FAM107B: variants seen among roughly 807,000 people sequenced by gnomAD.
FAM107B encodes family with sequence similarity 107 member B, also known as protein FAM107B.
Under a neutral mutation model 31.5 loss-of-function variants are expected in FAM107B, and 21 were observed. The observed-to-expected ratio is 0.67, with a 90% CI of 0.47 to 0.96. The LOEUF is 0.96. Ranked by LOEUF, FAM107B falls within the 40% of genes least tolerant of loss-of-function variation. The pLI, the probability that FAM107B is intolerant of heterozygous loss-of-function variation, is 0.00. For synonymous variants in FAM107B, 157 were observed against 141.5 expected, an observed-to-expected ratio of 1.11 and a Z score of -0.78; for missense variants, 452 against 377.1, an observed-to-expected ratio of 1.20 and a Z score of -1.64.
chr10:14,772,613 G>C (rs1049589258), intron 1 of FAM107B, among the ~76,000 whole-genome samples: 4 of 152,014 alleles, frequency 2.6e-5, no homozygotes, highest in Non-Finnish European at 1.5e-5. Context: ...CAACTGCCGC[G>C]TGTCCTGCCT....
At chr10:14,557,416 G>A (rs556421110) in intron 2 of FAM107B, among the ~76,000 whole-genome samples, 5 of 152,180 alleles carry the variant, frequency 3.3e-5, no homozygotes, top group Non-Finnish European at 7.3e-5. Context: ...GTACTAAACT[G>A]GTCACAGTGC....
chr10:14,754,363 A>G (rs1280112804), intron 1 of FAM107B, among the ~76,000 whole-genome samples: 1 of 152,164 alleles, frequency 6.6e-6, no homozygotes, highest in African/African-American at 2.4e-5. Flanking sequence ...TGCTATGGGA[A>G]AGACTTCGTC....
At chr10:14,735,704 C>T (rs1162118795) in intron 1 of FAM107B, among the ~76,000 whole-genome samples, 1 of 152,110 alleles carries the variant, frequency 6.6e-6, no homozygotes. Context: ...AGAAGAGTAG[C>T]TGGAGTTCTG....
intron 1 of FAM107B, among the ~76,000 whole-genome samples, chr10:14,692,660 T>G (rs1004809616): frequency 1.3e-5 from 2 of 152,210 alleles, no homozygotes; most frequent in Non-Finnish European, 2.9e-5. Context: ...CCGTGTACTC[T>G]CAAGAGTGTC....
intron 2 of FAM107B, among the ~76,000 whole-genome samples, chr10:14,621,289 A>G (rs1221651649): frequency 6.6e-6 from 1 of 152,184 alleles, no homozygotes; most frequent in East Asian, 1.9e-4. Context: ...TGCTGTTTAT[A>G]TTATGTAGAC....
chr10:14,717,338 G>T (rs920522312), intron 1 of FAM107B, among the ~76,000 whole-genome samples: 4 of 152,144 alleles, frequency 2.6e-5, no homozygotes, highest in Non-Finnish European at 4.4e-5. Flanking sequence ...GTGTACTAGG[G>T]AGAACTGGCT....
chr10:14,734,651 A>T (rs1856256639), intron 1 of FAM107B, among the ~76,000 whole-genome samples: 1 of 152,174 alleles, frequency 6.6e-6, no homozygotes, highest in African/African-American at 2.4e-5. Context: ...CCTGTGCTCC[A>T]GAACTTAGGG....
intron 2 of FAM107B, among the ~76,000 whole-genome samples, chr10:14,643,728 G>A (rs1853686550): frequency 6.6e-6 from 1 of 152,056 alleles, no homozygotes; most frequent in Non-Finnish European, 1.5e-5. Context: ...GTTTTATGCA[G>A]CAAACTAACT....
intron 2 of FAM107B, among the ~76,000 whole-genome samples, chr10:14,601,459 T>C (rs928978723): frequency 6.6e-6 from 1 of 152,062 alleles, no homozygotes; most frequent in South Asian, 2.1e-4. Flanking sequence ...AAATAGGCCA[T>C]GATTAGACAA....
chr10:14,678,608 TTCCTC>T (rs148296816), intron 1 of FAM107B, among the ~76,000 whole-genome samples: 20 of 60,158 alleles, frequency 3.3e-4, no homozygotes, highest in Non-Finnish European at 6.5e-4. Flanking sequence ...AACAAATAGC[TTCCTC>T]TCCTCTCCTC....
chr10:14,646,789 C>CTTTTTT (rs369557470), intron 2 of FAM107B, among the ~76,000 whole-genome samples: 53 of 86,754 alleles, frequency 6.1e-4, no homozygotes, highest in African/African-American at 9.8e-4. Context: ...CCATTTTCTC[C>CTTTTTT]TTTTTTTTTT....
At chr10:14,678,743 G>A (rs1365169343) in intron 1 of FAM107B, among the ~76,000 whole-genome samples, 1 of 152,168 alleles carries the variant, frequency 6.6e-6, no homozygotes, top group African/African-American at 2.4e-5. Flanking sequence ...AATTTGACTA[G>A]CATGTTGGAA....
At chr10:14,669,219 A>C (rs1303587440) in intron 1 of FAM107B, among the ~76,000 whole-genome samples, 1 of 151,896 alleles carries the variant, frequency 6.6e-6, no homozygotes, top group Non-Finnish European at 1.5e-5. Flanking sequence ...AATACAAAAA[A>C]ATTAGCTGGG....
intron 2 of FAM107B, among the ~76,000 whole-genome samples, chr10:14,581,375 C>T (rs1275351443): frequency 2.0e-5 from 3 of 152,168 alleles, no homozygotes; most frequent in Admixed American, 1.3e-4. Context: ...ACGAGGGAAG[C>T]GGCTGGAACC....
intron 1 of FAM107B, among the ~76,000 whole-genome samples, chr10:14,683,299 G>T (rs568533090): frequency 2.0e-5 from 3 of 152,178 alleles, no homozygotes; most frequent in Non-Finnish European, 4.4e-5. Flanking sequence ...GAATTTTGAG[G>T]TTAAGGAAGA....
intron 2 of FAM107B, among the ~76,000 whole-genome samples, chr10:14,602,146 A>G (rs1339582731): frequency 1.3e-5 from 2 of 152,202 alleles, no homozygotes; most frequent in Admixed American, 6.5e-5. Flanking sequence ...TCATCAGAGC[A>G]GACTGCATGC....
chr10:14,711,694 G>A (rs1274694130), intron 1 of FAM107B, among the ~76,000 whole-genome samples: 1 of 151,942 alleles, frequency 6.6e-6, no homozygotes, highest in Non-Finnish European at 1.5e-5. Context: ...CGCAGGCTGG[G>A]GTGCAGTGGT....
chr10:14,762,797 C>CAAAA, intron 1 of FAM107B, among the ~76,000 whole-genome samples: 1 of 145,012 alleles, frequency 6.9e-6, no homozygotes, highest in African/African-American at 2.7e-5. Flanking sequence ...CACACACACA[C>CAAAA]ACACAAAAAG....
intron 3 of FAM107B, chr10:14,522,262 C>T: frequency 3.9e-6 from 2 of 516,976 alleles, no homozygotes; most frequent in South Asian, 4.5e-5. Context: ...TGGCCACGTG[C>T]CATGTGCAAG....
Sources: allele counts gnomAD v4.1 joint callset (sites outside exome capture counted in the v4.1 genomes callset), GRCh38; gene constraint gnomAD v4.1.1; transcripts MANE v1.5; gene names NCBI Gene and HGNC (gene_info 2026-07-23, HGNC 2026-07-21).